Variants in MAPK10 observed in about 807,000 individuals in gnomAD.
MAPK10 encodes mitogen-activated protein kinase 10.
Under a neutral mutation model 59.3 loss-of-function variants are expected in MAPK10, and 25 were observed. The observed-to-expected ratio is 0.42, with a 90% CI of 0.31 to 0.59. MAPK10 has a LOEUF of 0.59. MAPK10 is among the 20% of genes least tolerant of loss of function. The pLI is 0.15. For missense variants in MAPK10, 351 were observed against 568.9 expected (o/e 0.62, Z 3.90); for synonymous variants, 190 against 200.5 (o/e 0.95, Z 0.44).
At chr4:86,396,205 G>A (rs1368082243) in intron 1 of MAPK10, among the ~76,000 whole-genome samples, 4 of 152,134 alleles carry the variant, frequency 2.6e-5, no homozygotes, top group African/African-American at 9.7e-5. Flanking sequence ...AAATTAGCCA[G>A]GCCTGGTGGC....
intron 9 of MAPK10, chr4:86,080,323 A>G (rs991895924): frequency 6.6e-6 from 1 of 151,878 alleles, no homozygotes; most frequent in Non-Finnish European, 1.5e-5. Context: ...AAAAAAAAAA[A>G]TCCCAAATGA....
At chr4:86,538,279 TG>T (rs148907323) in intron 1 of MAPK10, among the ~76,000 whole-genome samples, 7,127 of 152,152 alleles carry the variant, frequency 0.047, 220 homozygotes, top group African/African-American at 0.059. Flanking sequence ...CTCGAGTAGC[TG>T]GGATTACAGG....
intron 11 of MAPK10, among the ~76,000 whole-genome samples, chr4:86,062,316 C>T (rs1027276670): frequency 1.3e-5 from 2 of 152,088 alleles, no homozygotes; most frequent in Non-Finnish European, 2.9e-5. Flanking sequence ...TGTTACTATC[C>T]GTGCCCCAGC....
In MAPK10 at chr4:86,427,229, C is replaced by T. The variant is rs187371605; in HGVS notation, c.-122+25801G>A. Among the ~76,000 whole-genome samples the T allele has an allele frequency of 3.0e-3, 434 of 145,634 alleles. 3 individuals are homozygous for T. The highest frequency in any genetic ancestry group is 0.011 in the African/African-American group (414 of 39,234). On this transcript the variant is annotated intron_variant, in intron 1 of 13. Transcript: ENST00000361569. ...CCGAGATCGCGCCACTGCACTCCAG[C>T]CTGGGCGACAGAGCAAGATTCTGTC...
intron 1 of MAPK10, among the ~76,000 whole-genome samples, chr4:86,509,470 AAAAC>A (rs1756044916): frequency 6.6e-6 from 1 of 151,848 alleles, no homozygotes; most frequent in Admixed American, 6.6e-5. Context: ...CCAAAAAAAA[AAAAC>A]AAACAAAAAA....
intron 4 of MAPK10, among the ~76,000 whole-genome samples, chr4:86,155,644 C>T (rs949375248): frequency 2.0e-5 from 3 of 151,886 alleles, no homozygotes; most frequent in African/African-American, 7.3e-5. Flanking sequence ...AGGGGATTCA[C>T]AAGAATAATA....
chr4:86,142,024 C>T (rs938447146), intron 4 of MAPK10, among the ~76,000 whole-genome samples: 1 of 152,158 alleles, frequency 6.6e-6, no homozygotes, highest in African/African-American at 2.4e-5. Flanking sequence ...TTCTTGGGAA[C>T]TGATCTATTC....
chr4:86,172,205 C>A (rs986655404), intron 3 of MAPK10, among the ~76,000 whole-genome samples: 21 of 141,006 alleles, frequency 1.5e-4, no homozygotes, highest in East Asian at 3.9e-4. Flanking sequence ...ACCATTTGAC[C>A]CAGCCATCCC....
At chr4:86,149,249 G>T (rs2065775749) in intron 4 of MAPK10, among the ~76,000 whole-genome samples, 1 of 152,028 alleles carries the variant, frequency 6.6e-6, no homozygotes, top group Non-Finnish European at 1.5e-5. Context: ...AGTGGCTTTG[G>T]ATTGGATTTT....
chr4:86,098,607 G>A lies in MAPK10; in HGVS notation c.731-12C>T, dbSNP rs2054672393. The A allele has an allele frequency of 6.3e-7, 1 of 1,598,136 alleles. No homozygotes were observed. The highest frequency in any genetic ancestry group is 2.2e-5 in the East Asian group (1 of 44,796). Reference sequence around the variant, plus strand: ...AGACCATATATCCACTAGAACAGGAGAGAGAGGGTAGTGAAGAAAAGGGAG... The same window carrying A: ...AGACCATATATCCACTAGAACAGGAAAGAGAGGGTAGTGAAGAAAAGGGAG... On this transcript the variant is annotated splice_polypyrimidine_tract_variant and intron_variant, in intron 8 of 13. Transcript: ENST00000641462.
chr4:86,365,318 G>C (rs1286356608), intron 1 of MAPK10, among the ~76,000 whole-genome samples: 1 of 151,612 alleles, frequency 6.6e-6, no homozygotes, highest in Non-Finnish European at 1.5e-5. Flanking sequence ...TATAGTCCCA[G>C]CTACCTGGGA....
chr4:86,205,562 A>C (rs2083623252), intron 2 of MAPK10, among the ~76,000 whole-genome samples: 1 of 152,126 alleles, frequency 6.6e-6, no homozygotes, highest in African/African-American at 2.4e-5. Flanking sequence ...ACACAGGTGA[A>C]AAATTTTAAA....
At chr4:86,400,349 A>T (rs1743532293) in intron 1 of MAPK10, among the ~76,000 whole-genome samples, 1 of 152,122 alleles carries the variant, frequency 6.6e-6, no homozygotes, top group Admixed American at 6.5e-5. Flanking sequence ...CAAGGAAGCC[A>T]ACATCTTTCA....
At chr4:86,454,192 T>C (rs546074491), upstream of MAPK10, among the ~76,000 whole-genome samples, 3 of 152,238 alleles carry the variant, frequency 2.0e-5, no homozygotes, top group East Asian at 1.9e-4. Context: ...TCTGGTAATA[T>C]GATGAAACAA....
chr4:86,195,921 G>A (rs1194600033), intron 2 of MAPK10, among the ~76,000 whole-genome samples: 1 of 152,202 alleles, frequency 6.6e-6, no homozygotes, highest in Non-Finnish European at 1.5e-5. Flanking sequence ...CGGATGCATA[G>A]TATTGCATGG....
At chr4:86,590,718 T>G (rs567974224) in intron 1 of MAPK10, among the ~76,000 whole-genome samples, 1 of 151,938 alleles carries the variant, frequency 6.6e-6, no homozygotes, top group Non-Finnish European at 1.5e-5. Context: ...CATAGGAGGT[T>G]GAGGCTGCAG....
intron 2 of MAPK10, among the ~76,000 whole-genome samples, chr4:86,231,159 G>A (rs751827870): frequency 3.3e-5 from 5 of 152,116 alleles, no homozygotes; most frequent in Non-Finnish European, 7.3e-5. Context: ...TCCTATAACT[G>A]CAGTGTAGAT....
chr4:86,513,557 A>G (rs535184459), intron 1 of MAPK10, among the ~76,000 whole-genome samples: 1 of 152,318 alleles, frequency 6.6e-6, no homozygotes, highest in South Asian at 2.1e-4. Context: ...GTTGAGATCC[A>G]TAAACACAAA....
At chr4:86,076,826 C>G (rs1368299721) in intron 9 of MAPK10, among the ~76,000 whole-genome samples, 1 of 151,942 alleles carries the variant, frequency 6.6e-6, no homozygotes, top group Non-Finnish European at 1.5e-5. Context: ...AAAGAATGAC[C>G]AAAACCATTT....
Sources: gnomAD v4.1 joint callset for allele counts (sites outside exome capture counted in the v4.1 genomes callset) on GRCh38, gnomAD v4.1.1 for gene constraint, MANE v1.5 for transcripts, NCBI Gene and HGNC (gene_info 2026-07-23, HGNC 2026-07-21) for gene names.